The following EPS8 variants were observed in gnomAD, a reference collection of about 807,000 sequenced individuals.
EPS8 encodes epidermal growth factor receptor kinase substrate 8.
A neutral mutation model predicts 103.8 loss-of-function variants in EPS8; 42 were observed. The ratio of observed to expected loss-of-function variants is 0.40; its 90% confidence interval spans 0.32 to 0.52. The LOEUF (loss-of-function observed/expected upper bound fraction) is 0.52. EPS8 is among the 20% of genes least tolerant of loss of function. The pLI is 0.40. For missense variants in EPS8, 969 were observed against 1,005.1 expected (o/e 0.96, Z 0.49); for synonymous variants, 344 against 344.6 (o/e 1.00, Z 0.02).
rs1374380105 is a variant in EPS8 at position 15,716,056 on chromosome 12, C to A, written c.-21-33084G>T. Among the ~76,000 whole-genome samples the A allele has an allele frequency of 1.3e-5, 2 of 152,064 alleles. No individual in the cohort carries two copies. Among genetic ancestry groups the A allele is most frequent in the Admixed American group, 1.3e-4 (2 of 15,268 alleles). On this transcript the variant is annotated intron_variant, in intron 1 of 20. Transcript: ENST00000281172. This position sits in a 1 kb window ranked among gnomAD's most constrained non-coding sequence, Gnocchi z 5.0. ...AACCCTTCAAAACGAAGAATATAAT[C>A]AAAATAAACACTATAATCATAAAAT...
intron 2 of EPS8, among the ~76,000 whole-genome samples, chr12:15,681,924 A>T (rs940496988): frequency 6.6e-6 from 1 of 151,968 alleles, no homozygotes; most frequent in African/African-American, 2.4e-5. Context: ...GGACTATGGG[A>T]GGGGGAAACA....
chr12:15,674,273 T>G (rs1384355230), intron 3 of EPS8, among the ~76,000 whole-genome samples: 1 of 152,198 alleles, frequency 6.6e-6, no homozygotes, highest in Non-Finnish European at 1.5e-5. Flanking sequence ...AAAATGTTCC[T>G]TAGAGAGTAA....
chr12:15,623,318 G>A (rs1167498417), intron 19 of EPS8, 31 bp from the exon 20 acceptor site: 2 of 1,562,298 alleles, frequency 1.3e-6, no homozygotes, highest in East Asian at 2.3e-5. Context: ...AAGAAACTGA[G>A]CATTAAAAAT....
rs571639202 is a variant in EPS8 at position 15,771,182 on chromosome 12, A to T, written c.-22+17979T>A. The stretch of plus-strand genomic sequence containing the variant: ...TGGATTCGATTTGTATATAGAGATA[A>T]ATTAAAAAGTTATTCCAAATATAGA... On this transcript the variant is annotated intron_variant, in intron 1 of 20. Transcript: ENST00000281172. This position sits in a 1 kb window ranked among gnomAD's most constrained non-coding sequence, Gnocchi z 4.6. 1.4e-4 allele frequency among the ~76,000 whole-genome samples: 21 copies of T among 152,332 alleles called. 1 individual carries two copies. Among genetic ancestry groups the T allele is most frequent in the African/African-American group, 4.6e-4 (19 of 41,576 alleles).
At chr12:15,710,026 C>T (rs1946440614) in intron 1 of EPS8, among the ~76,000 whole-genome samples, 1 of 152,230 alleles carries the variant, frequency 6.6e-6, no homozygotes, top group Non-Finnish European at 1.5e-5. Flanking sequence ...CTACTGCTCA[C>T]CTTCTGCTGT....
rs911696335 is a variant in EPS8 at position 15,727,727 on chromosome 12, G to A, written c.-21-44755C>T. Among the ~76,000 whole-genome samples, 7 of 152,006 alleles carry A rather than the reference G, an allele frequency of 4.6e-5. No individual in the cohort carries two copies. The highest frequency in any genetic ancestry group is 1.9e-4 in the East Asian group (1 of 5,164). On this transcript the variant is annotated intron_variant, in intron 1 of 20. Transcript: ENST00000281172. The surrounding 1 kb of genome is among the most constrained non-coding windows in gnomAD (Gnocchi z 4.3). ...ACAAAAATTAGCCGGGCGTGGTGGC[G>A]CGTGCCTGTAATCCCAGCTACTCAG...
chr12:15,775,568 T>G (rs1175352450), intron 1 of EPS8, among the ~76,000 whole-genome samples: 1 of 152,244 alleles, frequency 6.6e-6, no homozygotes, highest in Middle Eastern at 3.4e-3. Context: ...TACATTTGAA[T>G]AGGAAAAAAT....
intron 1 of EPS8, among the ~76,000 whole-genome samples, chr12:15,739,513 G>T (rs945176982): frequency 2.6e-5 from 4 of 152,092 alleles, no homozygotes; most frequent in Admixed American, 2.6e-4. Context: ...ACAAAAAGGT[G>T]GAGGAAGGGT....
rs1233752360 is a variant in EPS8 at position 15,781,167 on chromosome 12, TA to T, written c.-22+7993del. On this transcript the variant is annotated intron_variant, in intron 1 of 20. Coordinates refer to ENST00000281172, the MANE Select transcript of EPS8 (RefSeq NM_004447.6). The surrounding 1 kb of genome is among the most constrained non-coding windows in gnomAD (Gnocchi z 4.1). ...AAAACAACCGTGTTCCATCACCACA[TA>T]CCTCTGGTCAGTAGGATACAGATGA... Among the ~76,000 whole-genome samples the T allele has an allele frequency of 2.0e-5, 3 of 152,232 alleles. No homozygotes were observed. The highest frequency in any genetic ancestry group is 7.2e-5 in the African/African-American group (3 of 41,462).
At chr12:15,783,987 C>T (rs1335884697) in intron 1 of EPS8, among the ~76,000 whole-genome samples, 6 of 152,022 alleles carry the variant, frequency 3.9e-5, no homozygotes, top group Middle Eastern at 3.4e-3. Context: ...AGACACAGAC[C>T]TTATACCTTT....
At chr12:15,643,215 A>G (rs1177475375) in intron 15 of EPS8, among the ~76,000 whole-genome samples, 1 of 151,970 alleles carries the variant, frequency 6.6e-6, no homozygotes, top group Non-Finnish European at 1.5e-5. Flanking sequence ...CTCTTCCCCT[A>G]TTTTCCTTTC....
chr12:15,755,115 G>T (rs1565531547), intron 1 of EPS8, among the ~76,000 whole-genome samples: 1 of 152,044 alleles, frequency 6.6e-6, no homozygotes, highest in Admixed American at 6.6e-5. Context: ...TCTACCAAAG[G>T]TGAGTATAGA....
intron 1 of EPS8, among the ~76,000 whole-genome samples, chr12:15,730,073 G>A (rs985637419): frequency 1.3e-5 from 2 of 152,088 alleles, no homozygotes; most frequent in African/African-American, 2.4e-5. Context: ...GAAGTCCATC[G>A]TCACCTGGAA....
intron 18 of EPS8, among the ~76,000 whole-genome samples, chr12:15,627,867 A>G (rs1944975331): frequency 6.6e-6 from 1 of 152,190 alleles, no homozygotes; most frequent in Non-Finnish European, 1.5e-5. Flanking sequence ...AATAAGAACA[A>G]TCTAATTAAG....
Position 15,762,458 on chromosome 12 carries a change from C to T in EPS8, c.-22+26703G>A, listed in dbSNP as rs1042620987. On this transcript the variant is annotated intron_variant, in intron 1 of 20. Coordinates refer to ENST00000281172, the MANE Select transcript of EPS8 (RefSeq NM_004447.6). The surrounding 1 kb of genome is among the most constrained non-coding windows in gnomAD (Gnocchi z 4.8). ...GGTATAGACCCAAAAGAAAGGAAAT[C>T]AGTATATCAAAGGGATATCTGCACT... 6.6e-6 allele frequency among the ~76,000 whole-genome samples: 1 copy of T among 152,196 alleles called. No individual in the cohort carries two copies. The highest frequency in any genetic ancestry group is 2.4e-5 in the African/African-American group (1 of 41,458).
chr12:15,720,593 G>C (rs1341495549), intron 1 of EPS8, among the ~76,000 whole-genome samples: 2 of 152,156 alleles, frequency 1.3e-5, no homozygotes, highest in Non-Finnish European at 2.9e-5. Context: ...TCAACAAATG[G>C]GGTGTTCCTT....
At chr12:15,746,464 A>G (rs1946875760) in intron 1 of EPS8, among the ~76,000 whole-genome samples, 2 of 151,952 alleles carry the variant, frequency 1.3e-5, no homozygotes, top group East Asian at 1.9e-4. Context: ...ACATGTCTGG[A>G]TAATCAAAAT....
chr12:15,634,421 C>T (rs1025360045), intron 17 of EPS8, among the ~76,000 whole-genome samples: 6 of 152,122 alleles, frequency 3.9e-5, no homozygotes, highest in East Asian at 1.9e-4. Flanking sequence ...GAATGAGTCA[C>T]TTTTCTTTAG....
rs906560666 is a variant in EPS8 at position 15,695,190 on chromosome 12, T to C, written c.-21-12218A>G. 1.3e-5 allele frequency among the ~76,000 whole-genome samples: 2 copies of C among 152,238 alleles called. No individual in the cohort carries two copies. Among genetic ancestry groups the C allele is most frequent in the African/African-American group, 4.8e-5 (2 of 41,478 alleles). On this transcript the variant is annotated intron_variant, in intron 1 of 20. Coordinates refer to ENST00000281172, the MANE Select transcript of EPS8 (RefSeq NM_004447.6). This position sits in a 1 kb window ranked among gnomAD's most constrained non-coding sequence, Gnocchi z 5.0. ...CTATTATATACTTTCCTTTTACTAA[T>C]GATAAATCCAGTATTTTGAAGTTGG...
Sources: gnomAD v4.1 joint callset for allele counts (sites outside exome capture counted in the v4.1 genomes callset) on GRCh38, gnomAD v4.1.1 for gene constraint, Gnocchi (gnomAD v3.1) non-coding constraint, MANE v1.5 for transcripts, NCBI Gene and HGNC (gene_info 2026-07-23, HGNC 2026-07-21) for gene names.